Variants in XYLB observed in about 807,000 individuals in gnomAD.
The protein encoded by XYLB is xylulokinase.
Under a neutral mutation model 78.7 loss-of-function variants are expected in XYLB, and 62 were observed. That is an observed-to-expected ratio of 0.79 (90% CI 0.64 to 0.97). The LOEUF is 0.97. XYLB is among the 50% of genes least tolerant of loss of function. The pLI is 0.00. For missense variants in XYLB, 687 were observed against 676.8 expected (o/e 1.02, Z -0.17); for synonymous variants, 245 against 247.4 (o/e 0.99, Z 0.09).
chr3:38,378,539 C>T (rs1272636125), intron 14 of XYLB, among the ~76,000 whole-genome samples: 3 of 152,070 alleles, frequency 2.0e-5, no homozygotes, highest in African/African-American at 4.8e-5. Flanking sequence ...CAAGCCTGGG[C>T]GTCTCTGAGA....
At chr3:38,370,459 G>GTGATT (rs138979952) in intron 9 of XYLB, among the ~76,000 whole-genome samples, 1 of 152,312 alleles carries the variant, frequency 6.6e-6, no homozygotes, top group East Asian at 1.9e-4. Context: ...AAAATGGCAG[G>GTGATT]TGATTGCATA....
At chr3:38,438,382 C>A in the XYLB span, among the ~76,000 whole-genome samples, 1 of 152,220 alleles carries the variant, frequency 6.6e-6, no homozygotes, top group African/African-American at 2.4e-5. Context: ...GAAAAACATC[C>A]CATGCTCTTG....
At chr3:38,387,642 G>T (rs1014548503) in intron 15 of XYLB, among the ~76,000 whole-genome samples, 3 of 152,226 alleles carry the variant, frequency 2.0e-5, no homozygotes, top group Non-Finnish European at 4.4e-5. Context: ...AAAGTGCTGG[G>T]ATTACAGGCA....
chr3:38,445,140 G>A, the XYLB span, among the ~76,000 whole-genome samples: 1 of 152,158 alleles, frequency 6.6e-6, no homozygotes, highest in Non-Finnish European at 1.5e-5. Flanking sequence ...ATGGAGTGGA[G>A]GGCCATACCC....
chr3:38,433,990 G>A, the XYLB span, among the ~76,000 whole-genome samples: 1 of 152,162 alleles, frequency 6.6e-6, no homozygotes, highest in South Asian at 2.1e-4. Flanking sequence ...CACATGGCTG[G>A]AGAGGCCTCA....
chr3:38,376,414 A>G (rs1706859743), intron 13 of XYLB, among the ~76,000 whole-genome samples, 182 bp downstream of exon 13: 1 of 152,184 alleles, frequency 6.6e-6, no homozygotes, highest in Non-Finnish European at 1.5e-5. Flanking sequence ...TGTTCTGAGC[A>G]AGGGTGGGGC....
chr3:38,350,165 G>T (rs775253814), intron 2 of XYLB, among the ~76,000 whole-genome samples: 60 of 152,260 alleles, frequency 3.9e-4, no homozygotes, highest in Non-Finnish European at 7.5e-4. Context: ...CTGACCCTTT[G>T]TGCACCTCTC....
At chr3:38,434,843 C>A in the XYLB span, among the ~76,000 whole-genome samples, 1 of 152,206 alleles carries the variant, frequency 6.6e-6, no homozygotes, top group Non-Finnish European at 1.5e-5. Context: ...AAGATATTCA[C>A]TGATTGGAGC....
rs1487125158 is a variant in XYLB at position 38,413,931 on chromosome 3, A to G, written c.*918A>G. ...CTTTTTTATTTTGGAGTATTTCATC[A>G]GCTGAAAAGTGATTCTCACTTTGAG... On this transcript the variant is annotated 3_prime_UTR_variant, in exon 19 of 19. Transcript: ENST00000207870. The G allele has an allele frequency of 2.0e-5, 3 of 152,214 alleles. No individual in the cohort carries two copies. The highest frequency in any genetic ancestry group is 2.9e-5 in the Non-Finnish European group (2 of 68,044). The allele number at this position is 152,214 out of a possible 1,614,324, so 9.4% of individuals were successfully genotyped here. A position where few individuals can be genotyped will look rare whatever the true frequency, so the allele number is the denominator to read the frequency against.
At chr3:38,348,509 T>C in intron 1 of XYLB, 41 bp from the exon 2 acceptor site, 1 of 1,604,018 alleles carries the variant, frequency 6.2e-7, no homozygotes, top group South Asian at 1.1e-5. Context: ...GTGTAGAAGC[T>C]GAGGAAAATT....
chr3:38,404,661 G>GA (rs1189879920), intron 18 of XYLB, among the ~76,000 whole-genome samples: 7 of 151,888 alleles, frequency 4.6e-5, no homozygotes, highest in African/African-American at 7.3e-5. Context: ...TACTAAAAAA[G>GA]AAAAAAACAC....
At chr3:38,372,513 T>G in intron 9 of XYLB, 142 bp from the exon 10 acceptor site, 1 of 1,485,134 alleles carries the variant, frequency 6.7e-7, no homozygotes, top group Middle Eastern at 1.8e-4. Flanking sequence ...GGAAGTGATG[T>G]GACTCCAGGC....
intron 9 of XYLB, among the ~76,000 whole-genome samples, chr3:38,370,519 A>G (rs1011787541): frequency 1.3e-4 from 20 of 152,316 alleles, no homozygotes; most frequent in African/African-American, 4.8e-4. Context: ...CTACTGATGA[A>G]GCTTGAAGGA....
intron 17 of XYLB, among the ~76,000 whole-genome samples, chr3:38,400,305 A>G (rs949554133): frequency 5.9e-5 from 9 of 152,302 alleles, no homozygotes; most frequent in African/African-American, 1.9e-4. Flanking sequence ...TCTTAAACCA[A>G]TAATCACTGA....
chr3:38,409,760 T>C (rs1219576723), intron 18 of XYLB, among the ~76,000 whole-genome samples: 1 of 152,096 alleles, frequency 6.6e-6, no homozygotes, highest in African/African-American at 2.4e-5. Context: ...GAGAGCCAAA[T>C]CATGAGTGAA....
At chr3:38,373,967 A>G (rs925526946) in intron 10 of XYLB, among the ~76,000 whole-genome samples, 1 of 151,812 alleles carries the variant, frequency 6.6e-6, no homozygotes, top group Non-Finnish European at 1.5e-5. Context: ...GCCGTGAGCT[A>G]TGATCATGCC....
chr3:38,357,676 G>A (rs1226158330), intron 2 of XYLB, among the ~76,000 whole-genome samples: 2 of 152,070 alleles, frequency 1.3e-5, no homozygotes, highest in Admixed American at 1.3e-4. Flanking sequence ...GTGAGCCACC[G>A]CATCCTTGCT....
chr3:38,395,536 A>G lies in XYLB; in HGVS notation c.1323A>G (p.Gly441=), dbSNP rs752050420. Reference sequence around the variant, plus strand: ...AGACAAAGATTTTGGCCACAGGAGGAGCATCTCACAATAGAGAAATCTTAC... The same window carrying G: ...AGACAAAGATTTTGGCCACAGGAGGGGCATCTCACAATAGAGAAATCTTAC... The part of the protein sequence containing the change: ...MSKTKILATG[G]ASHNREILQV... The change falls in exon 16 of 19, where the codon GGA becomes GGG. Residue 441 remains glycine (G), a synonymous_variant. Transcript: ENST00000207870. The G allele has an allele frequency of 6.2e-7, 1 of 1,614,212 alleles. No homozygotes were observed. The highest frequency in any genetic ancestry group is 1.7e-5 in the Admixed American group (1 of 60,024).
chr3:38,376,078 C>T (rs1706837938), intron 12 of XYLB, 39 bp from the exon 13 acceptor site: 1 of 1,411,672 alleles, frequency 7.1e-7, no homozygotes, highest in South Asian at 1.1e-5. Flanking sequence ...AGTCAGCAAG[C>T]ACCAGCTCCC....
Sources: allele counts gnomAD v4.1 joint callset (sites outside exome capture counted in the v4.1 genomes callset), GRCh38; gene constraint gnomAD v4.1.1; transcripts MANE v1.5; gene names NCBI Gene and HGNC (gene_info 2026-07-23, HGNC 2026-07-21).